PKD1L1: variants seen among roughly 807,000 people sequenced by gnomAD.
PKD1L1 encodes polycystin 1 like 1, transient receptor potential channel interacting, also known as polycystin-1-like protein 1.
In PKD1L1, 236 loss-of-function variants were observed where a neutral mutation model predicts 323.4. That is an observed-to-expected ratio of 0.73 (90% CI 0.66 to 0.81). The LOEUF (loss-of-function observed/expected upper bound fraction) is 0.81, where lower values mean the gene tolerates loss of function less well. Ranked by LOEUF, PKD1L1 falls within the 40% of genes least tolerant of loss-of-function variation. PKD1L1 has a pLI of 0.00. For missense variants in PKD1L1, 3,320 were observed against 3,508.0 expected (o/e 0.95, Z 1.35); for synonymous variants, 1,344 against 1,335.0 (o/e 1.01, Z -0.15).
At chr7:47,940,060 A>G in intron 3 of PKD1L1, 133 bp downstream of exon 3, 1 of 1,230,436 alleles carries the variant, frequency 8.1e-7, no homozygotes, top group Non-Finnish European at 1.2e-6. Context: ...CACTTGCTTC[A>G]TTGGCACAAA....
chr7:47,933,036 G>C (rs572634561), intron 4 of PKD1L1, among the ~76,000 whole-genome samples: 9 of 152,270 alleles, frequency 5.9e-5, no homozygotes, highest in Admixed American at 2.0e-4. Flanking sequence ...GAATAGACCT[G>C]CCCCGGTGCA....
In PKD1L1 at chr7:47,873,920, T is replaced by C. The variant is rs1371723770; in HGVS notation, c.3875A>G (p.Asn1292Ser). The C allele has an allele frequency of 2.5e-6, 4 of 1,613,834 alleles. No individual in the cohort carries two copies. Among genetic ancestry groups the C allele is most frequent in the Admixed American group, 3.3e-5 (2 of 59,982 alleles). ...TCACAGGTCCTCGCCCAGACAGTCA[T>C]TTCCATGGTAGCGGGGCAGCACAGT... ...VVTVLPRYHG[N>S]DCLGEDLYNS... The change falls in exon 24 of 57, where the codon AAT (asparagine) becomes AGT (serine). Residue 1292 changes from asparagine (N) to serine (S), a missense_variant. Physicochemically the swap from Asn to Ser is conservative, Grantham distance 46. Coordinates refer to ENST00000289672, the MANE Select transcript of PKD1L1 (RefSeq NM_138295.5).
At chr7:47,931,432 G>A (rs1787770210) in intron 5 of PKD1L1, 111 bp from the exon 6 acceptor site, 3 of 1,152,706 alleles carry the variant, frequency 2.6e-6, no homozygotes, top group Middle Eastern at 2.6e-4. Flanking sequence ...CACTGCTACT[G>A]AGGTCTCTGC....
At chr7:47,922,568 G>A (rs1409749504) in intron 7 of PKD1L1, among the ~76,000 whole-genome samples, 2 of 151,582 alleles carry the variant, frequency 1.3e-5, no homozygotes, top group East Asian at 3.9e-4. Flanking sequence ...CCGCGACCCC[G>A]TCTGGGAACT....
At chr7:47,831,068 G>T in intron 42 of PKD1L1, 149 bp downstream of exon 42, 1 of 1,130,890 alleles carries the variant, frequency 8.8e-7, no homozygotes, top group Non-Finnish European at 1.3e-6. Flanking sequence ...TTTACCCCAG[G>T]AGATGGGAGG....
chr7:47,924,398 G>A (rs561302561), intron 7 of PKD1L1, among the ~76,000 whole-genome samples: 188 of 152,178 alleles, frequency 1.2e-3, no homozygotes, highest in Non-Finnish European at 1.2e-3. Flanking sequence ...CTACTGAAAC[G>A]TTAAATCCAA....
In PKD1L1 at chr7:47,815,371, G is replaced by C. The variant is rs138847904; in HGVS notation, c.7052C>G (p.Pro2351Arg). 1.9e-6 allele frequency: 3 copies of C among 1,614,134 alleles called. No individual in the cohort carries two copies. Among genetic ancestry groups the C allele is most frequent in the Non-Finnish European group, 2.5e-6 (3 of 1,180,000 alleles). Residue 2351 changes from proline (P) to arginine (R), a missense_variant, in exon 47 of 57, where the codon CCG becomes CGG. By Grantham distance (103) the Pro-to-Arg change is moderately radical (BLOSUM62 -2). Transcript: ENST00000289672. ...SLTTLLDGLY[P>R]GGTPSARVPG... ...CACACGGGCTGACGGGGTGCCTCCC[G>C]GGTACAGGCCATCCAGAAGTGTGGT...
chr7:47,942,801 C>T (rs1344271351), intron 2 of PKD1L1, among the ~76,000 whole-genome samples: 2 of 152,128 alleles, frequency 1.3e-5, no homozygotes, highest in Non-Finnish European at 2.9e-5. Flanking sequence ...AGCCTCACCC[C>T]AGACCTCCTA....
At chr7:47,943,163 AATATAT>A (rs60168291) in intron 2 of PKD1L1, among the ~76,000 whole-genome samples, 436 of 34,030 alleles carry the variant, frequency 0.013, 7 homozygotes, top group African/African-American at 0.028. Flanking sequence ...AAAAAAAAAA[AATATAT>A]ATATATATAT....
intron 7 of PKD1L1, among the ~76,000 whole-genome samples, chr7:47,928,524 T>C (rs527264783): frequency 4.6e-5 from 7 of 152,146 alleles, no homozygotes; most frequent in East Asian, 1.9e-4. Flanking sequence ...GAGCCGAGAT[T>C]GCGCCACTGC....
rs1169166603 is a variant in PKD1L1 at position 47,915,379 on chromosome 7, C to G, written c.1228+53G>C. 6.4e-6 allele frequency: 5 copies of G among 776,788 alleles called. No individual in the cohort carries two copies. In the African/African-American group the frequency reaches 6.8e-5, roughly 11 times the overall value. 48.1% of individuals were successfully genotyped at this position (776,788 alleles called of 1,614,324 possible). ...TAAACCAATGAAAATTCCTGACAAA[C>G]AGCTTTATATCAGCCCACTCCTTGT... On this transcript the variant is annotated intron_variant, in intron 8 of 56. Transcript: ENST00000289672.
chr7:47,843,806 G>C (rs9639987), intron 33 of PKD1L1, among the ~76,000 whole-genome samples: 85,794 of 152,054 alleles, frequency 0.56, 24,704 homozygotes, highest in African/African-American at 0.61. Flanking sequence ...TTACAGATTT[G>C]TGATGGGATC....
chr7:47,876,648 G>A (rs1786409546), intron 22 of PKD1L1, among the ~76,000 whole-genome samples: 1 of 152,128 alleles, frequency 6.6e-6, no homozygotes, highest in Non-Finnish European at 1.5e-5. Flanking sequence ...ACAAGGGTGG[G>A]GCTTCCTACA....
chr7:47,805,216 A>T (rs2128727440), intron 52 of PKD1L1, among the ~76,000 whole-genome samples: 1 of 152,364 alleles, frequency 6.6e-6, no homozygotes, highest in South Asian at 2.1e-4. Context: ...GCACATGGTC[A>T]AAGAGGAGCT....
chr7:47,812,121 G>C, intron 49 of PKD1L1, 70 bp from the exon 50 acceptor site: 1 of 1,301,456 alleles, frequency 7.7e-7, no homozygotes, highest in Non-Finnish European at 1.1e-6. Flanking sequence ...GAGGCTCCCA[G>C]CTGCAGGTCC....
chr7:47,936,752 A>T (rs1787874396), intron 4 of PKD1L1, 94 bp downstream of exon 4: 9 of 967,448 alleles, frequency 9.3e-6, no homozygotes, highest in Middle Eastern at 4.3e-4. Context: ...ATGTAGGAAC[A>T]AGCATCGACT....
At chr7:47,820,551 C>T (rs1247300200) in intron 46 of PKD1L1, among the ~76,000 whole-genome samples, 1 of 152,050 alleles carries the variant, frequency 6.6e-6, no homozygotes, top group Non-Finnish European at 1.5e-5. Flanking sequence ...ATGGTGAAAC[C>T]CCATCTCTGC....
chr7:47,818,965 T>G (rs769693720), intron 46 of PKD1L1, among the ~76,000 whole-genome samples: 2 of 152,182 alleles, frequency 1.3e-5, no homozygotes, highest in Non-Finnish European at 2.9e-5. Context: ...TCCGAGCACT[T>G]GCCAGAGTCA....
intron 45 of PKD1L1, among the ~76,000 whole-genome samples, chr7:47,825,641 T>C (rs1343514628): frequency 6.6e-6 from 1 of 151,132 alleles, no homozygotes; most frequent in Non-Finnish European, 1.5e-5. Context: ...GTTATTTCTT[T>C]CTCTTCTTCA....
Sources: gnomAD v4.1 joint callset for allele counts (sites outside exome capture counted in the v4.1 genomes callset) on GRCh38, gnomAD v4.1.1 for gene constraint, MANE v1.5 for transcripts, NCBI Gene and HGNC (gene_info 2026-07-23, HGNC 2026-07-21) for gene names.